WDR49: variants seen among roughly 807,000 people sequenced by gnomAD.
WDR49 encodes WD repeat domain 49.
Under a neutral mutation model 119.5 loss-of-function variants are expected in WDR49, and 107 were observed. The observed-to-expected ratio is 0.90, with a 90% confidence interval of 0.77 to 1.05. The LOEUF is 1.05. Ranked by LOEUF, WDR49 falls within the 50% of genes least tolerant of loss-of-function variation. WDR49 has a pLI of 0.00. For synonymous variants in WDR49, 425 were observed against 418.8 expected (o/e 1.01, Z -0.18); for missense variants, 1,240 against 1,220.5 (o/e 1.02, Z -0.24).
chr3:167,618,935 A>G (rs1716728192), intron 5 of WDR49, among the ~76,000 whole-genome samples: 2 of 152,104 alleles, frequency 1.3e-5, no homozygotes, highest in South Asian at 4.1e-4. Context: ...GGGACCCTTA[A>G]ATAAAATTGA....
intron 9 of WDR49, among the ~76,000 whole-genome samples, chr3:167,558,720 C>T (rs530026847): frequency 1.3e-5 from 2 of 152,246 alleles, no homozygotes; most frequent in South Asian, 4.1e-4. Context: ...CCGACTAAGT[C>T]CCTTAGCTGG....
At chr3:167,577,396 T>C (rs1714304090) in intron 7 of WDR49, among the ~76,000 whole-genome samples, 1 of 152,186 alleles carries the variant, frequency 6.6e-6, no homozygotes, top group Non-Finnish European at 1.5e-5. Flanking sequence ...ATGTAGAATG[T>C]ATCTGTTGTA....
At chr3:167,625,225 T>C (rs2108325690) in intron 3 of WDR49, among the ~76,000 whole-genome samples, 1 of 152,132 alleles carries the variant, frequency 6.6e-6, no homozygotes, top group Admixed American at 6.6e-5. Flanking sequence ...CATTTTGTCA[T>C]ACCACGAAAC....
intron 2 of WDR49, among the ~76,000 whole-genome samples, chr3:167,632,490 A>G (rs1346134423): frequency 1.3e-5 from 2 of 152,030 alleles, no homozygotes; most frequent in Non-Finnish European, 2.9e-5. Context: ...TTGTTCACCC[A>G]TTAGCTTGTT....
At chr3:167,500,352 A>C in intron 17 of WDR49, 53 bp from the exon 18 acceptor site, 79 of 1,577,274 alleles carry the variant, frequency 5.0e-5, no homozygotes, top group Non-Finnish European at 6.3e-5. Flanking sequence ...GTACAATATC[A>C]TTAACTCCTT....
chr3:167,563,420 T>C (rs1713400778), intron 8 of WDR49, among the ~76,000 whole-genome samples: 2 of 150,492 alleles, frequency 1.3e-5, no homozygotes, highest in African/African-American at 4.9e-5. Context: ...TTTTGAATTA[T>C]ACTTGTGAAT....
intron 12 of WDR49, among the ~76,000 whole-genome samples, chr3:167,531,909 T>C (rs1014777206): frequency 2.0e-5 from 3 of 152,156 alleles, no homozygotes; most frequent in Non-Finnish European, 1.5e-5. Context: ...ATGCCTTTCA[T>C]GTCTTTTAGA....
At chr3:167,563,524 T>C (rs1713404997) in intron 8 of WDR49, among the ~76,000 whole-genome samples, 1 of 152,170 alleles carries the variant, frequency 6.6e-6, no homozygotes, top group Admixed American at 6.5e-5. Flanking sequence ...ATTTTGATAG[T>C]AGTCTTTTAA....
At position 167,612,418 on chromosome 3, in the gene WDR49, G is replaced by A. The variant is rs116337710; in HGVS notation, c.959-7950C>T. Among the ~76,000 whole-genome samples, 884 of 149,014 alleles carry A rather than the reference G, an allele frequency of 5.9e-3. 7 individuals carry two copies. The highest frequency in any genetic ancestry group is 0.034 in the South Asian group (159 of 4,744). ...GAACAATCCAATGGTGCATCTTAAA[G>A]AACTAGAAAAGCAAGAATAAAACAA... On this transcript the variant is annotated intron_variant, in intron 5 of 18. Transcript: ENST00000682715.
intron 16 of WDR49, among the ~76,000 whole-genome samples, chr3:167,519,818 TCAGC>T (rs1752366375): frequency 1.3e-5 from 2 of 152,000 alleles, no homozygotes; most frequent in South Asian, 4.1e-4. Context: ...ACCCTATATA[TCAGC>T]ACTGATTTTC....
chr3:167,479,556 ATT>A (rs1553857940), intron 18 of WDR49, among the ~76,000 whole-genome samples: 1 of 152,200 alleles, frequency 6.6e-6, no homozygotes, highest in Non-Finnish European at 1.5e-5. Context: ...GCATAATTTT[ATT>A]ATTTAAACAA....
chr3:167,516,528 G>T (rs114250212), intron 16 of WDR49, among the ~76,000 whole-genome samples: 1 of 151,936 alleles, frequency 6.6e-6, no homozygotes. Context: ...GTTCCAAGTC[G>T]TCGTTATTGT....
rs137984537 is a variant in WDR49, at chr3:167,622,461, A to C, written c.607-818T>G. On this transcript the variant is annotated intron_variant, in intron 3 of 18. Transcript: ENST00000682715. ...GAAACATGCATAAATTATTAAAATC[A>C]CCATTCTGCCAATCTTTGCCCTTTA... Among the ~76,000 whole-genome samples, 345 of 152,300 alleles carry C rather than the reference A, an allele frequency of 2.3e-3. 1 individual carries two copies. Among genetic ancestry groups the C allele is most frequent in the African/African-American group, 7.7e-3 (322 of 41,582 alleles).
intron 2 of WDR49, among the ~76,000 whole-genome samples, chr3:167,641,222 A>G (rs925317090): frequency 2.0e-5 from 3 of 151,836 alleles, no homozygotes; most frequent in Non-Finnish European, 4.4e-5. Context: ...CCCATGAGTT[A>G]TGTGTTTTTA....
rs556160602 is a variant in WDR49 at position 167,520,243 on chromosome 3, C to CAA, written c.2774+2070_2774+2071dup. On this transcript the variant is annotated intron_variant, in intron 16 of 18. Coordinates refer to ENST00000682715, the MANE Select transcript of WDR49 (RefSeq NM_001366157.1). ...GCTGGACAACAAAGCAAGACAGCCT[C>CAA]AAAAAAAAAAAAATGTTTAAAGGAT... 4.2e-3 allele frequency among the ~76,000 whole-genome samples: 530 copies of CAA among 125,010 alleles called. 1 individual carries two copies. The highest frequency in any genetic ancestry group is 0.015 in the African/African-American group (508 of 34,194). 82.0% of individuals were successfully genotyped at this position (125,010 alleles called of 152,430 possible).
chr3:167,619,988 A>C (rs1716790210), intron 5 of WDR49, among the ~76,000 whole-genome samples: 1 of 152,070 alleles, frequency 6.6e-6, no homozygotes, highest in Admixed American at 6.6e-5. Flanking sequence ...AAGAGAAGAA[A>C]ATTAAGACAA....
At chr3:167,543,945 A>T (rs1468562222) in intron 10 of WDR49, among the ~76,000 whole-genome samples, 1 of 151,950 alleles carries the variant, frequency 6.6e-6, no homozygotes, top group Non-Finnish European at 1.5e-5. Context: ...GATCAGATAA[A>T]TGAATTCAGT....
chr3:167,607,640 C>T (rs1034516503), intron 5 of WDR49, among the ~76,000 whole-genome samples: 2 of 152,176 alleles, frequency 1.3e-5, no homozygotes, highest in African/African-American at 4.8e-5. Context: ...ACTCTCCTTT[C>T]CTGTGCTATT....
chr3:167,534,111 C>T (rs1577223000), intron 11 of WDR49, among the ~76,000 whole-genome samples: 1 of 151,984 alleles, frequency 6.6e-6, no homozygotes, highest in Non-Finnish European at 1.5e-5. Context: ...AGCAGAATCA[C>T]TTGAACCCTG....
Sources: gnomAD v4.1 joint callset for allele counts (sites outside exome capture counted in the v4.1 genomes callset) on GRCh38, gnomAD v4.1.1 for gene constraint, MANE v1.5 for transcripts, NCBI Gene and HGNC (gene_info 2026-07-23, HGNC 2026-07-21) for gene names.